The following MED13L variants were observed in gnomAD, a reference collection of about 807,000 sequenced individuals.
MED13L encodes mediator complex subunit 13L.
In MED13L, 7 loss-of-function variants were observed where a neutral mutation model predicts 220.9. That is an observed-to-expected ratio of 0.03 (90% CI 0.02 to 0.06). The LOEUF (loss-of-function observed/expected upper bound fraction) is 0.06. Among genes scored for constraint, MED13L ranks in the 10% least tolerant of loss-of-function variants. The probability of loss-of-function intolerance (pLI) is 1.00; values close to 1 mark genes in which losing one functional copy is unlikely to be tolerated. For missense variants in MED13L, 1,965 were observed against 2,760.5 expected, an observed-to-expected ratio of 0.71 and a Z score of 6.46; for synonymous variants, 1,011 against 1,015.2, an observed-to-expected ratio of 1.00 and a Z score of 0.08.
intron 4 of MED13L, among the ~76,000 whole-genome samples, chr12:116,053,529 T>C (rs1868687272): frequency 6.6e-6 from 1 of 152,174 alleles, no homozygotes; most frequent in Non-Finnish European, 1.5e-5. Flanking sequence ...AATATTTGAG[T>C]GTTTACTTTG....
intron 2 of MED13L, among the ~76,000 whole-genome samples, chr12:116,219,206 T>C (rs1883173981): frequency 6.6e-6 from 1 of 152,182 alleles, no homozygotes; most frequent in Non-Finnish European, 1.5e-5. Context: ...ATTCTTAACT[T>C]ATATAGTGAA....
intron 2 of MED13L, among the ~76,000 whole-genome samples, chr12:116,205,921 G>C (rs117606285): frequency 8.2e-5 from 12 of 145,550 alleles, no homozygotes; most frequent in Non-Finnish European, 1.5e-4. Flanking sequence ...ACTTTACAAT[G>C]CACTGCATAA....
rs1566020874 is a variant in MED13L, at chr12:116,031,753, AAGAAAAGAAG to A, written c.480-9162_480-9153del. ...AAGAAAAGAAAAGAAAAGAAAAGAA[AAGAAAAGAAG>A]GAAGGAAGGAAGGAAGGAAGGAAGG... On this transcript the variant is annotated intron_variant, in intron 4 of 30. Coordinates refer to ENST00000281928, the MANE Select transcript of MED13L (RefSeq NM_015335.5). 1.8e-3 allele frequency among the ~76,000 whole-genome samples: 29 copies of A among 16,252 alleles called. 1 individual carries two copies. Among genetic ancestry groups the A allele is most frequent in the African/African-American group, 9.3e-3 (20 of 2,158 alleles). 10.7% of individuals were successfully genotyped at this position (16,252 alleles called of 152,430 possible). A position where few individuals can be genotyped will look rare whatever the true frequency, so the allele number is the denominator to read the frequency against.
chr12:116,259,185 A>G (rs1386258628), intron 1 of MED13L, among the ~76,000 whole-genome samples: 2 of 152,208 alleles, frequency 1.3e-5, no homozygotes, highest in Non-Finnish European at 2.9e-5. Context: ...GCTCAAAAAC[A>G]TAATAAAAAT....
intron 1 of MED13L, among the ~76,000 whole-genome samples, chr12:116,256,524 G>C (rs1872061681): frequency 6.6e-6 from 1 of 151,980 alleles, no homozygotes; most frequent in Non-Finnish European, 1.5e-5. Flanking sequence ...TTTGATTTCA[G>C]TGGTTTCACA....
At chr12:116,233,084 C>A (rs35421804) in intron 2 of MED13L, among the ~76,000 whole-genome samples, 1 of 122,590 alleles carries the variant, frequency 8.2e-6, no homozygotes. Context: ...AAGACTCTGT[C>A]TAAAGGAAAA....
chr12:116,171,480 T>C (rs951466698), intron 2 of MED13L, among the ~76,000 whole-genome samples: 1 of 152,190 alleles, frequency 6.6e-6, no homozygotes, highest in Non-Finnish European at 1.5e-5. Flanking sequence ...TCTCCAAAAA[T>C]CCAACACTTT....
At chr12:116,108,593 A>G (rs1473086951) in intron 3 of MED13L, among the ~76,000 whole-genome samples, 1 of 152,210 alleles carries the variant, frequency 6.6e-6, no homozygotes, top group East Asian at 1.9e-4. Flanking sequence ...ATTAAGTTTG[A>G]TAAGAGAAAA....
At chr12:116,220,391 G>A (rs549014347) in intron 2 of MED13L, among the ~76,000 whole-genome samples, 16 of 152,006 alleles carry the variant, frequency 1.1e-4, no homozygotes, top group Non-Finnish European at 1.5e-4. Flanking sequence ...CAAAATACAC[G>A]CGCTGGATTT....
At chr12:115,992,934 T>G (rs1311552788) in intron 16 of MED13L, among the ~76,000 whole-genome samples, 1 of 151,926 alleles carries the variant, frequency 6.6e-6, no homozygotes, top group African/African-American at 2.4e-5. Flanking sequence ...TGGCCCTCTA[T>G]AGCCACAAGT....
intron 2 of MED13L, among the ~76,000 whole-genome samples, chr12:116,156,791 T>C (rs562637819): frequency 1.5e-4 from 23 of 152,304 alleles, no homozygotes; most frequent in African/African-American, 5.5e-4. Flanking sequence ...GTGGCCATTA[T>C]GCCTAAGTCA....
intron 2 of MED13L, among the ~76,000 whole-genome samples, chr12:116,159,529 C>T (rs749907094): frequency 3.3e-4 from 50 of 152,242 alleles, no homozygotes; most frequent in Admixed American, 9.2e-4. Context: ...CTATAATTCA[C>T]TTTTTATCAC....
intron 3 of MED13L, among the ~76,000 whole-genome samples, chr12:116,106,422 G>A (rs575727197): frequency 1.3e-4 from 19 of 149,838 alleles, no homozygotes; most frequent in African/African-American, 4.8e-4. Context: ...AGTTAACGAA[G>A]AAATGAAAGT....
chr12:116,208,544 A>T (rs1194516299), intron 2 of MED13L, among the ~76,000 whole-genome samples: 1 of 152,266 alleles, frequency 6.6e-6, no homozygotes. Context: ...ACGTAGATAC[A>T]TCTCCCTGAA....
chr12:116,141,341 G>A (rs1376283433), intron 2 of MED13L, among the ~76,000 whole-genome samples: 1 of 152,102 alleles, frequency 6.6e-6, no homozygotes, highest in East Asian at 1.9e-4. Flanking sequence ...TAATCCTGAA[G>A]TTGATTTTTT....
intron 2 of MED13L, among the ~76,000 whole-genome samples, chr12:116,220,462 G>T (rs1457999370): frequency 6.6e-6 from 1 of 152,182 alleles, no homozygotes; most frequent in Admixed American, 6.5e-5. Flanking sequence ...ACTTTGGGAG[G>T]CCGAGGCGGG....
At chr12:115,989,854 TCCTCACTAA>T (rs1333919741) in intron 17 of MED13L, among the ~76,000 whole-genome samples, 2 of 152,182 alleles carry the variant, frequency 1.3e-5, no homozygotes, top group African/African-American at 4.8e-5. Flanking sequence ...TACTAGGTCT[TCCTCACTAA>T]CCTCCTTGTC....
intron 2 of MED13L, among the ~76,000 whole-genome samples, chr12:116,144,174 T>G (rs1877299482): frequency 1.3e-5 from 2 of 152,182 alleles, no homozygotes; most frequent in African/African-American, 4.8e-5. Context: ...ACTCACACCA[T>G]TAACTCATGT....
Position 116,105,128 on chromosome 12 carries a change from A to C in MED13L, c.395+6300T>G, listed in dbSNP as rs368911731. The stretch of plus-strand genomic sequence containing the variant: ...TGCCAAATGAAGAAACTCTTGAAAA[A>C]TGATTGCAGATTTTTTTTCCCATCG... On this transcript the variant is annotated intron_variant, in intron 3 of 30. Coordinates refer to ENST00000281928, the MANE Select transcript of MED13L (RefSeq NM_015335.5). Among the ~76,000 whole-genome samples, 8 of 152,346 alleles carry C rather than the reference A, an allele frequency of 5.3e-5. No homozygotes were observed. In the East Asian group the frequency reaches 1.5e-3, roughly 29 times the overall value.
Sources: gnomAD v4.1 joint callset for allele counts (sites outside exome capture counted in the v4.1 genomes callset) on GRCh38, gnomAD v4.1.1 for gene constraint, MANE v1.5 for transcripts, NCBI Gene and HGNC (gene_info 2026-07-23, HGNC 2026-07-21) for gene names.